HACD3: variants seen among roughly 807,000 people sequenced by gnomAD.
HACD3 encodes the protein very-long-chain (3R)-3-hydroxyacyl-CoA dehydratase 3.
Under a neutral mutation model 55.2 loss-of-function variants are expected in HACD3, and 30 were observed. The ratio of observed to expected loss-of-function variants is 0.54; its 90% confidence interval spans 0.41 to 0.74. The LOEUF (loss-of-function observed/expected upper bound fraction) is 0.74, where lower values mean the gene tolerates loss of function less well. Among genes scored for constraint, HACD3 ranks in the 30% least tolerant of loss-of-function variants. The probability of loss-of-function intolerance (pLI) is 0.00; values close to 1 mark genes in which losing one functional copy is unlikely to be tolerated. For synonymous variants in HACD3, 141 were observed against 151.7 expected, an observed-to-expected ratio of 0.93 and a Z score of 0.52; for missense variants, 363 against 440.1, an observed-to-expected ratio of 0.82 and a Z score of 1.57.
chr15:65,545,201 T>C (rs1288417582), intron 1 of HACD3, among the ~76,000 whole-genome samples: 1 of 152,188 alleles, frequency 6.6e-6, no homozygotes, highest in Non-Finnish European at 1.5e-5. Context: ...TGGAAAGTTC[T>C]GGCAGTCACC....
chr15:65,537,943 AAAAAAAAAAAAAAAAATATATAT>A (rs1344606609), intron 1 of HACD3, among the ~76,000 whole-genome samples: 16 of 12,496 alleles, frequency 1.3e-3, no homozygotes, highest in African/African-American at 2.7e-3. Flanking sequence ...AGAAAAAAAA[AAAAAAAAAAAAAAAAATATATAT>A]ATATATATAT....
chr15:65,553,395 C>T (rs562242603), intron 2 of HACD3, among the ~76,000 whole-genome samples: 6 of 152,198 alleles, frequency 3.9e-5, no homozygotes, highest in Middle Eastern at 3.4e-3. Context: ...TATCTGCCTT[C>T]TCCTCAGTCC....
chr15:65,542,056 G>T (rs1441947480), intron 1 of HACD3, among the ~76,000 whole-genome samples: 1 of 151,376 alleles, frequency 6.6e-6, no homozygotes, highest in Non-Finnish European at 1.5e-5. Context: ...TGGTGAAACG[G>T]TGTCTCTACT....
At chr15:65,564,191 C>G in intron 6 of HACD3, 24 bp from the exon 7 acceptor site, 2 of 1,609,058 alleles carry the variant, frequency 1.2e-6, no homozygotes, top group Non-Finnish European at 1.7e-6. Flanking sequence ...CTGATTCACC[C>G]TTAATGTATA....
intron 4 of HACD3, among the ~76,000 whole-genome samples, chr15:65,557,293 G>A (rs1055362157): frequency 1.3e-5 from 2 of 152,162 alleles, no homozygotes; most frequent in Non-Finnish European, 2.9e-5. Flanking sequence ...GGCTAGCACA[G>A]TGAAACCCTG....
chr15:65,571,755 A>G (rs992935573), intron 9 of HACD3, 101 bp downstream of exon 9: 2 of 897,166 alleles, frequency 2.2e-6, no homozygotes, highest in African/African-American at 3.4e-5. Context: ...GATAAATGGA[A>G]ATGTTGGATT....
intron 4 of HACD3, among the ~76,000 whole-genome samples, chr15:65,557,956 T>G (rs1596213388): frequency 9.2e-6 from 1 of 108,524 alleles, no homozygotes; most frequent in African/African-American, 3.2e-5. Flanking sequence ...TTTTTTTTTT[T>G]GAGCACTTCC....
At chr15:65,558,649 T>G in intron 4 of HACD3, 31 bp from the exon 5 acceptor site, 1 of 1,571,124 alleles carries the variant, frequency 6.4e-7, no homozygotes, top group South Asian at 1.2e-5. Context: ...TTCTAACTTG[T>G]GTTCTTGGAA....
chr15:65,530,797 C>G, intron 1 of HACD3, 79 bp downstream of exon 1: 3 of 1,339,526 alleles, frequency 2.2e-6, no homozygotes, highest in Non-Finnish European at 3.0e-6. Flanking sequence ...CCCCTTTGTC[C>G]GCGTGCGCGC....
intron 1 of HACD3, among the ~76,000 whole-genome samples, chr15:65,550,487 A>G (rs1596209836): frequency 6.6e-6 from 1 of 152,386 alleles, no homozygotes; most frequent in East Asian, 1.9e-4. Context: ...CCCAATAACC[A>G]TTAAATACAT....
At chr15:65,571,691 C>T (rs774414041) in intron 9 of HACD3, 37 bp downstream of exon 9, 1 of 1,492,654 alleles carries the variant, frequency 6.7e-7, no homozygotes, top group Admixed American at 1.7e-5. Flanking sequence ...TAGCTTAGCT[C>T]CAGGGGGTAC....
chr15:65,565,845 A>G (rs1232360959), intron 7 of HACD3: 1 of 152,222 alleles, frequency 6.6e-6, no homozygotes, highest in Non-Finnish European at 1.5e-5. Flanking sequence ...CTACTGAATC[A>G]TCAGGCTGCA....
intron 5 of HACD3, among the ~76,000 whole-genome samples, chr15:65,560,847 T>A (rs746182351): frequency 1.6e-4 from 24 of 151,412 alleles, no homozygotes; most frequent in Non-Finnish European, 8.8e-5. Context: ...GCTTTATCCA[T>A]GTAGACTAGC....
At position 65,570,088 on chromosome 15, in the gene HACD3, T is replaced by C. The variant is rs764093882; in HGVS notation, c.661-3T>C. On this transcript the variant is annotated splice_polypyrimidine_tract_variant and splice_region_variant and intron_variant, in intron 7 of 10. Transcript: ENST00000261875. ...TTTTCTCTCTTTTGGGTCTTTCTAA[T>C]AGCTTCTTGGAAGAAATTTTATTTT... 5 of 1,583,094 alleles carry C rather than the reference T, an allele frequency of 3.2e-6. No individual in the cohort carries two copies. In the African/African-American group the frequency reaches 6.8e-5, roughly 21 times the overall value.
intron 6 of HACD3, among the ~76,000 whole-genome samples, chr15:65,563,130 A>G (rs906961686): frequency 2.2e-4 from 33 of 152,190 alleles, no homozygotes; most frequent in Admixed American, 2.0e-3. Context: ...GTTCACATCC[A>G]TAGCTAGCCA....
chr15:65,577,251 C>A lies in HACD3; in HGVS notation c.*872C>A, dbSNP rs1276611996. ...ACCAGCTTGGGCAACGTAGTGAGACCCCTATCTCTACAAAAAATAAAAAAA... is the reference window on the plus strand; with the variant it reads ...ACCAGCTTGGGCAACGTAGTGAGACACCTATCTCTACAAAAAATAAAAAAA... On this transcript the variant is annotated 3_prime_UTR_variant, in exon 11 of 11. Transcript: ENST00000261875. 1 of 152,046 alleles carries A rather than the reference C, an allele frequency of 6.6e-6. No homozygotes were observed. The highest frequency in any genetic ancestry group is 1.5e-5 in the Non-Finnish European group (1 of 68,044). 9.4% of individuals were successfully genotyped at this position (152,046 alleles called of 1,614,324 possible).
chr15:65,570,176 A>C lies in HACD3; in HGVS notation c.746A>C (p.Tyr249Ser). Residue 249 changes from tyrosine (Y) to serine (S), a missense_variant, in exon 8 of 11, where the codon TAT becomes TCT. By Grantham distance (144) the Tyr-to-Ser change is moderately radical (BLOSUM62 -2). Coordinates refer to ENST00000261875, the MANE Select transcript of HACD3 (RefSeq NM_016395.4). ...AAAGCTGTGGTTTTCTTTGTGTTTT[A>C]TTTGTGGAGTGCAATTGAAATTTTC... ...QNKAVVFFVFYLWSAIEIFRY... is the reference protein window; with the variant it reads ...QNKAVVFFVFSLWSAIEIFRY... 6.2e-7 allele frequency: 1 copy of C among 1,611,802 alleles called. No homozygotes were observed. The highest frequency in any genetic ancestry group is 1.1e-5 in the South Asian group (1 of 90,920).
At chr15:65,571,359 C>T (rs1286880217) in intron 8 of HACD3, among the ~76,000 whole-genome samples, 189 bp from the exon 9 acceptor site, 3 of 152,068 alleles carry the variant, frequency 2.0e-5, no homozygotes, top group African/African-American at 4.8e-5. Context: ...CATTAAAGAG[C>T]GTTCAGATCC....
intron 5 of HACD3, 82 bp from the exon 6 acceptor site, chr15:65,562,692 A>G: frequency 1.3e-6 from 2 of 1,524,222 alleles, no homozygotes; most frequent in Non-Finnish European, 1.8e-6. Context: ...AAAGGGTTGA[A>G]GTCATCCAGA....
Sources: gnomAD v4.1 joint callset for allele counts (sites outside exome capture counted in the v4.1 genomes callset) on GRCh38, gnomAD v4.1.1 for gene constraint, MANE v1.5 for transcripts, NCBI Gene and HGNC (gene_info 2026-07-23, HGNC 2026-07-21) for gene names.